The following PUM2 variants were observed in gnomAD, a reference collection of about 807,000 sequenced individuals.
PUM2 encodes pumilio RNA binding family member 2, also known as pumilio homolog 2.
PUM2 carries 57 observed loss-of-function variants against 124.5 expected under a neutral mutation model. The observed-to-expected ratio is 0.46, with a 90% CI of 0.37 to 0.57. The LOEUF (loss-of-function observed/expected upper bound fraction) is 0.57. Among genes scored for constraint, PUM2 ranks in the 20% least tolerant of loss-of-function variants. PUM2 has a pLI of 0.00. For missense variants in PUM2, 1,065 were observed against 1,290.6 expected, an observed-to-expected ratio of 0.83 and a Z score of 2.68; for synonymous variants, 460 against 446.1, an observed-to-expected ratio of 1.03 and a Z score of -0.39.
chr2:20,323,119 T>C (rs1307855000), intron 2 of PUM2, among the ~76,000 whole-genome samples: 2 of 152,128 alleles, frequency 1.3e-5, no homozygotes, highest in Non-Finnish European at 2.9e-5. Context: ...ATTAACCTTT[T>C]CTGCGCTTCA....
intron 1 of PUM2, among the ~76,000 whole-genome samples, chr2:20,332,666 C>G (rs1041845897): frequency 1.3e-5 from 2 of 152,124 alleles, no homozygotes; most frequent in African/African-American, 2.4e-5. Flanking sequence ...TCTGCTGTCT[C>G]TTAAACAGCT....
At chr2:20,256,282 A>G in intron 16 of PUM2, 112 bp from the exon 17 acceptor site, 1 of 1,004,242 alleles carries the variant, frequency 1.0e-6, no homozygotes, top group Non-Finnish European at 1.4e-6. Flanking sequence ...TATTTATCTC[A>G]GTATTAAAAA....
At position 20,260,510 on chromosome 2, in the gene PUM2, C is replaced by T. The variant is rs756786898; in HGVS notation, c.2226-44G>A. 3.9e-6 allele frequency: 6 copies of T among 1,531,424 alleles called. No individual in the cohort carries two copies. The South Asian group carries it at 4.6e-5, about 12-fold the overall frequency. 94.9% of individuals were successfully genotyped at this position (1,531,424 alleles called of 1,614,324 possible). On this transcript the variant is annotated intron_variant, in intron 14 of 20. Coordinates refer to ENST00000361078, the MANE Select transcript of PUM2 (RefSeq NM_015317.5). ...TAATATGACAATATGTTTTTTAATA[C>T]ACTTGAGTATTACACCCTACCCTTC...
At chr2:20,316,974 T>C (rs1681098041) in intron 3 of PUM2, among the ~76,000 whole-genome samples, 2 of 151,852 alleles carry the variant, frequency 1.3e-5, no homozygotes, top group Admixed American at 1.3e-4. Flanking sequence ...GAGGTTGCAG[T>C]GAGCCAAGAC....
At chr2:20,293,926 A>T (rs1674856645) in intron 9 of PUM2, among the ~76,000 whole-genome samples, 1 of 152,100 alleles carries the variant, frequency 6.6e-6, no homozygotes, top group African/African-American at 2.4e-5. Flanking sequence ...CTTTTTCCAG[A>T]AATTAAAGCT....
chr2:20,331,456 A>T (rs961078317), intron 1 of PUM2, among the ~76,000 whole-genome samples: 1 of 152,212 alleles, frequency 6.6e-6, no homozygotes, highest in Admixed American at 6.5e-5. Context: ...GATTTCAGTG[A>T]CTGAGCTTCG....
Position 20,313,405 on chromosome 2 carries a change from G to C in PUM2, c.161-982C>G, listed in dbSNP as rs140114513. Among the ~76,000 whole-genome samples, 998 of 152,236 alleles carry C rather than the reference G, an allele frequency of 6.6e-3. 6 individuals are homozygous for C. Among genetic ancestry groups the C allele is most frequent in the African/African-American group, 0.022 (922 of 41,552 alleles). On this transcript the variant is annotated intron_variant, in intron 3 of 20. Coordinates refer to ENST00000361078, the MANE Select transcript of PUM2 (RefSeq NM_015317.5). Reference sequence around the variant, plus strand: ...ATGTTAAGAACAGTACAACCAAAAAGGTCAATAAAGGTAGAAATAGTATGC... The same window carrying C: ...ATGTTAAGAACAGTACAACCAAAAACGTCAATAAAGGTAGAAATAGTATGC...
chr2:20,325,861 T>C (rs182566046), intron 2 of PUM2, among the ~76,000 whole-genome samples: 15 of 152,318 alleles, frequency 9.8e-5, no homozygotes, highest in African/African-American at 3.4e-4. Context: ...GACCTTGTGA[T>C]CCGCCCACCT....
chr2:20,322,151 C>A (rs1460823456), intron 2 of PUM2, among the ~76,000 whole-genome samples: 1 of 152,088 alleles, frequency 6.6e-6, no homozygotes, highest in Non-Finnish European at 1.5e-5. Flanking sequence ...AATTTATCAT[C>A]CCAAATGGGA....
Position 20,254,877 on chromosome 2 carries a change from T to C in PUM2, c.2856A>G (p.Gln952=). ...TATTACAATACCTGGCAAATTTGTG[T>C]TGACTCAGGGCTAAAACCTTTCCCC... ...EIRGKVLALS[Q]HKFASNVVEK... The change falls in exon 19 of 21, where the codon CAA becomes CAG. Residue 952 remains glutamine, a synonymous_variant. Coordinates refer to ENST00000361078, the MANE Select transcript of PUM2 (RefSeq NM_015317.5). The C allele has an allele frequency of 1.2e-6, 2 of 1,613,340 alleles. No homozygotes were observed. Among genetic ancestry groups the C allele is most frequent in the Non-Finnish European group, 1.7e-6 (2 of 1,179,784 alleles).
chr2:20,346,034 T>C (rs1688186667), intron 1 of PUM2, among the ~76,000 whole-genome samples: 1 of 152,200 alleles, frequency 6.6e-6, no homozygotes, highest in African/African-American at 2.4e-5. Flanking sequence ...AGCACTCCTA[T>C]TCTTGCTAGT....
intron 1 of PUM2, among the ~76,000 whole-genome samples, chr2:20,336,687 G>GTGTGTA (rs1181516639): frequency 7.2e-6 from 1 of 138,860 alleles, no homozygotes; most frequent in Non-Finnish European, 1.5e-5. Flanking sequence ...TAATTTGTGT[G>GTGTGTA]TGTGTGTGTG....
chr2:20,275,897 C>G (rs1001010257), intron 13 of PUM2, among the ~76,000 whole-genome samples: 1 of 151,924 alleles, frequency 6.6e-6, no homozygotes, highest in Non-Finnish European at 1.5e-5. Flanking sequence ...AATGTATGAA[C>G]CTTATTTTGA....
At position 20,342,476 on chromosome 2, in the gene PUM2, A is replaced by G. The variant is rs547089604; in HGVS notation, c.-19+8121T>C. 1.4e-4 allele frequency among the ~76,000 whole-genome samples: 22 copies of G among 152,322 alleles called. 3 individuals are homozygous for G. Among genetic ancestry groups the G allele is most frequent in the African/African-American group, 5.3e-4 (22 of 41,570 alleles). ...TGTTTAACCTTAACCCAGTATTACC[A>G]TAACTTTTCTGTAAATGTTAACACA... On this transcript the variant is annotated intron_variant, in intron 1 of 20. Coordinates refer to ENST00000361078, the MANE Select transcript of PUM2 (RefSeq NM_015317.5).
At chr2:20,252,629 A>G (rs953029593) in intron 20 of PUM2, among the ~76,000 whole-genome samples, 1 of 152,188 alleles carries the variant, frequency 6.6e-6, no homozygotes, top group Non-Finnish European at 1.5e-5. Flanking sequence ...AGTTTTCTTT[A>G]TAAGTTTTCC....
intron 7 of PUM2, among the ~76,000 whole-genome samples, chr2:20,301,985 TATAA>T (rs1677097642): frequency 6.6e-6 from 1 of 152,242 alleles, no homozygotes; most frequent in Non-Finnish European, 1.5e-5. Flanking sequence ...AATCTTTTGC[TATAA>T]ATAAATAATG....
chr2:20,299,188 G>A (rs1676362554), intron 7 of PUM2, among the ~76,000 whole-genome samples: 4 of 152,170 alleles, frequency 2.6e-5, no homozygotes, highest in Admixed American at 2.6e-4. Context: ...TGTTGGGGGT[G>A]GAAAGCAGTC....
intron 7 of PUM2, among the ~76,000 whole-genome samples, chr2:20,301,657 G>A (rs1268061940): frequency 1.3e-5 from 2 of 151,994 alleles, no homozygotes; most frequent in African/African-American, 4.8e-5. Context: ...GCATGATCAT[G>A]GCTAATTTCA....
chr2:20,312,917 A>G (rs1679977667), intron 3 of PUM2, among the ~76,000 whole-genome samples: 1 of 152,090 alleles, frequency 6.6e-6, no homozygotes, highest in Admixed American at 6.6e-5. Flanking sequence ...TAACACATCT[A>G]TAGCCACCTG....
Sources: allele counts gnomAD v4.1 joint callset (sites outside exome capture counted in the v4.1 genomes callset), GRCh38; gene constraint gnomAD v4.1.1; transcripts MANE v1.5; gene names NCBI Gene and HGNC (gene_info 2026-07-23, HGNC 2026-07-21).